The following RAC1 variants were observed in gnomAD, a reference collection of about 807,000 sequenced individuals.
RAC1 encodes the protein Rac family small GTPase 1, also known as ras-related C3 botulinum toxin substrate 1.
RAC1 carries 2 observed loss-of-function variants against 25.2 expected under a neutral mutation model. The ratio of observed to expected loss-of-function variants is 0.08; its 90% confidence interval spans 0.03 to 0.25. The LOEUF is 0.25. Ranked by LOEUF, RAC1 falls within the 10% of genes least tolerant of loss-of-function variation. The pLI, the probability that RAC1 is intolerant of heterozygous loss-of-function variation, is 1.00. For missense variants in RAC1, 50 were observed against 235.7 expected, an observed-to-expected ratio of 0.21 and a Z score of 5.16; for synonymous variants, 88 against 94.0, an observed-to-expected ratio of 0.94 and a Z score of 0.37.
intron 1 of RAC1, among the ~76,000 whole-genome samples, chr7:6,379,200 C>T (rs1297728655): frequency 6.6e-6 from 1 of 150,954 alleles, no homozygotes; most frequent in Non-Finnish European, 1.5e-5. Context: ...CTCCTGGGTT[C>T]AAGTGATTCT....
At chr7:6,390,726 G>T (rs562404119) in intron 2 of RAC1, among the ~76,000 whole-genome samples, 33 of 152,034 alleles carry the variant, frequency 2.2e-4, no homozygotes, top group Non-Finnish European at 2.9e-4. Context: ...GATTTTTGTG[G>T]CTAAAATTTT....
intron 3 of RAC1, among the ~76,000 whole-genome samples, chr7:6,395,948 A>G (rs1298805448): frequency 1.3e-5 from 2 of 152,332 alleles, no homozygotes; most frequent in African/African-American, 4.8e-5. Context: ...ACTCCATGGA[A>G]AGTGGACCCA....
intron 1 of RAC1, among the ~76,000 whole-genome samples, chr7:6,376,234 G>A (rs1187818201): frequency 1.5e-5 from 2 of 135,500 alleles, no homozygotes; most frequent in Non-Finnish European, 3.1e-5. Flanking sequence ...CCAGGCTGGA[G>A]TGCAGTGGCA....
intron 2 of RAC1, among the ~76,000 whole-genome samples, chr7:6,390,096 C>CATT (rs1554263519): frequency 2.7e-5 from 2 of 74,914 alleles, no homozygotes; most frequent in Admixed American, 2.1e-4. Context: ...CCCTCCCTCC[C>CATT]TTTTTTTTTT....
chr7:6,397,036 CAAAA>C (rs151105670), intron 3 of RAC1, among the ~76,000 whole-genome samples: 1 of 80,192 alleles, frequency 1.2e-5, no homozygotes, highest in Non-Finnish European at 2.5e-5. Flanking sequence ...CTCTCAAAAA[CAAAA>C]AAAAAAAAAA....
chr7:6,387,879 A>G (rs1264095782), intron 2 of RAC1, among the ~76,000 whole-genome samples: 1 of 152,206 alleles, frequency 6.6e-6, no homozygotes, highest in Non-Finnish European at 1.5e-5. Context: ...AAGAACTCTG[A>G]CCAAAAGTCT....
chr7:6,400,314 A>C (rs836549), intron 4 of RAC1, 126 bp downstream of exon 4: 1 of 881,682 alleles, frequency 1.1e-6, no homozygotes, highest in Non-Finnish European at 1.8e-6. Flanking sequence ...TTGCTACTTA[A>C]GTACATGATT....
intron 3 of RAC1, among the ~76,000 whole-genome samples, chr7:6,397,607 A>G (rs1370006670): frequency 2.6e-5 from 4 of 152,280 alleles, no homozygotes; most frequent in Non-Finnish European, 4.4e-5. Flanking sequence ...CCAGGGTTCT[A>G]TGTTGGAAGA....
intron 1 of RAC1, 52 bp downstream of exon 1, chr7:6,374,822 G>T: frequency 1.8e-6 from 2 of 1,087,566 alleles, no homozygotes; most frequent in Non-Finnish European, 2.2e-6. Context: ...GGCGCGGAGG[G>T]GGGTTGGGCC....
At chr7:6,397,457 C>T (rs1239005834) in intron 3 of RAC1, among the ~76,000 whole-genome samples, 1 of 151,588 alleles carries the variant, frequency 6.6e-6, no homozygotes, top group African/African-American at 2.4e-5. Flanking sequence ...CCATGCCCGG[C>T]TAATTTTTTG....
chr7:6,397,036 CAAAAAAAA>C (rs151105670), intron 3 of RAC1, among the ~76,000 whole-genome samples: 10 of 80,192 alleles, frequency 1.2e-4, no homozygotes, highest in Admixed American at 2.6e-4. Flanking sequence ...CTCTCAAAAA[CAAAAAAAA>C]AAAAAAAAAA....
Position 6,402,648 on chromosome 7 carries a change from T to TA in RAC1, c.*204dup. On this transcript the variant is annotated 3_prime_UTR_variant, in exon 6 of 6. Transcript: ENST00000348035. The stretch of plus-strand genomic sequence containing the variant: ...TTTAAGGTTTTGTTTGTTCTAAATG[T>TA]AAGAGTTCAGACTCACATTCTATTA... The TA allele has an allele frequency of 2.1e-6, 1 of 483,304 alleles. No homozygotes were observed. The highest frequency in any genetic ancestry group is 4.6e-5 in the South Asian group (1 of 21,904). 29.9% of individuals were successfully genotyped at this position (483,304 alleles called of 1,614,324 possible).
chr7:6,383,596 T>G (rs1166010900), intron 1 of RAC1, among the ~76,000 whole-genome samples: 1 of 151,926 alleles, frequency 6.6e-6, no homozygotes, highest in Non-Finnish European at 1.5e-5. Context: ...GGAAAGGAAG[T>G]TTAGAGGATT....
intron 1 of RAC1, among the ~76,000 whole-genome samples, chr7:6,383,338 C>G (rs936154673): frequency 3.9e-5 from 6 of 152,132 alleles, no homozygotes; most frequent in African/African-American, 1.2e-4. Flanking sequence ...TTTCTTTTAC[C>G]TATTTGAATA....
intron 3 of RAC1, among the ~76,000 whole-genome samples, chr7:6,395,167 C>T (rs1017327406): frequency 3.9e-5 from 6 of 152,118 alleles, no homozygotes; most frequent in Non-Finnish European, 8.8e-5. Context: ...GGTTTCTCCA[C>T]TTTGGTCAGG....
intron 1 of RAC1, among the ~76,000 whole-genome samples, chr7:6,377,696 C>T (rs537289736): frequency 1.2e-4 from 19 of 152,296 alleles, no homozygotes; most frequent in East Asian, 3.9e-4. Flanking sequence ...GGGCGGTTCA[C>T]CTGAGGTCAG....
Position 6,401,957 on chromosome 7 carries a change from C to G in RAC1, c.378C>G (p.Ile126Met), listed in dbSNP as rs764451724. 1.9e-6 allele frequency: 3 copies of G among 1,614,110 alleles called. No homozygotes were observed. Among genetic ancestry groups the G allele is most frequent in the South Asian group, 1.1e-5 (1 of 91,078 alleles). Residue 126 changes from isoleucine to methionine, a missense_variant, in exon 5 of 6, where the codon ATC (isoleucine) becomes ATG (methionine). By Grantham distance (10) the Ile-to-Met change is conservative. Transcript: ENST00000348035. ...ATCTTAGGGATGATAAAGACACGATCGAGAAACTGAAGGAGAAGAAGCTGA... is the reference window on the plus strand; with the variant it reads ...ATCTTAGGGATGATAAAGACACGATGGAGAAACTGAAGGAGAAGAAGCTGA... ...KLDLRDDKDT[I>M]EKLKEKKLTP...
At chr7:6,399,291 A>C (rs1783334796) in intron 3 of RAC1, among the ~76,000 whole-genome samples, 1 of 152,246 alleles carries the variant, frequency 6.6e-6, no homozygotes, top group South Asian at 2.1e-4. Flanking sequence ...TGGAGGGTTG[A>C]AAGTGTAGCT....
At chr7:6,374,899 T>G in intron 1 of RAC1, 129 bp downstream of exon 1, 1 of 762,270 alleles carries the variant, frequency 1.3e-6, no homozygotes, top group East Asian at 1.0e-4. Context: ...TGGGCCTGTG[T>G]CGCGGGGCGG....
Sources: gnomAD v4.1 joint callset for allele counts (sites outside exome capture counted in the v4.1 genomes callset) on GRCh38, gnomAD v4.1.1 for gene constraint, MANE v1.5 for transcripts, NCBI Gene and HGNC (gene_info 2026-07-23, HGNC 2026-07-21) for gene names.